The following SMYD3 variants were observed in gnomAD, a reference collection of about 807,000 sequenced individuals.
SMYD3 encodes SET and MYND domain containing 3.
Under a neutral mutation model 57.7 loss-of-function variants are expected in SMYD3, and 36 were observed. The observed-to-expected ratio is 0.62, with a 90% CI of 0.48 to 0.82. The LOEUF (loss-of-function observed/expected upper bound fraction) is 0.82, where lower values mean the gene tolerates loss of function less well. Ranked by LOEUF, SMYD3 falls within the 40% of genes least tolerant of loss-of-function variation. The pLI is 0.00. For synonymous variants in SMYD3, 211 were observed against 195.0 expected, an observed-to-expected ratio of 1.08 and a Z score of -0.68; for missense variants, 515 against 538.8, an observed-to-expected ratio of 0.96 and a Z score of 0.44.
intron 10 of SMYD3, among the ~76,000 whole-genome samples, chr1:245,806,822 A>G (rs1340575258): frequency 1.4e-5 from 2 of 144,852 alleles, no homozygotes; most frequent in Admixed American, 7.0e-5. Flanking sequence ...AGGCAGGAGA[A>G]TGGCGTGAAC....
intron 1 of SMYD3, among the ~76,000 whole-genome samples, chr1:246,499,808 AATAAAT>A (rs1461766873): frequency 6.6e-6 from 1 of 152,092 alleles, no homozygotes; most frequent in East Asian, 1.9e-4. Flanking sequence ...ATTTTTATGC[AATAAAT>A]ATAAATAGAT....
intron 5 of SMYD3, among the ~76,000 whole-genome samples, chr1:246,082,661 C>T (rs573912215): frequency 3.0e-4 from 45 of 152,220 alleles, no homozygotes; most frequent in African/African-American, 1.0e-3. Flanking sequence ...ACTGCAATAT[C>T]GTGGGCTTGG....
chr1:246,251,461 G>A (rs1490158600), intron 5 of SMYD3, among the ~76,000 whole-genome samples: 1 of 147,584 alleles, frequency 6.8e-6, no homozygotes. Flanking sequence ...CACTGTGCCC[G>A]GCTTTAGTAG....
At chr1:246,473,744 G>GT (rs1378868964) in intron 1 of SMYD3, among the ~76,000 whole-genome samples, 1 of 152,200 alleles carries the variant, frequency 6.6e-6, no homozygotes, top group African/African-American at 2.4e-5. Flanking sequence ...TCCCTTCAGA[G>GT]TTTGTTTTTT....
intron 5 of SMYD3, among the ~76,000 whole-genome samples, chr1:246,048,249 T>C (rs1194078357): frequency 6.6e-6 from 1 of 152,218 alleles, no homozygotes; most frequent in Non-Finnish European, 1.5e-5. Context: ...ATTTCAAGCA[T>C]TTCACTGGTA....
At chr1:246,093,777 A>G (rs1374090696) in intron 5 of SMYD3, among the ~76,000 whole-genome samples, 2 of 152,168 alleles carry the variant, frequency 1.3e-5, no homozygotes, top group Non-Finnish European at 2.9e-5. Flanking sequence ...TTTAATTCCA[A>G]TAGAAATTCT....
intron 1 of SMYD3, among the ~76,000 whole-genome samples, chr1:246,419,899 C>G (rs57812296): frequency 0.065 from 9,855 of 152,292 alleles, 627 homozygotes; most frequent in East Asian, 0.32. Context: ...CTGTTTTCAG[C>G]TAAAAAGTCT....
intron 8 of SMYD3, among the ~76,000 whole-genome samples, chr1:245,881,360 G>A (rs2052768678): frequency 6.6e-6 from 1 of 152,202 alleles, no homozygotes; most frequent in Non-Finnish European, 1.5e-5. Flanking sequence ...GTATGGGGAA[G>A]TAAGGTAGGC....
intron 5 of SMYD3, among the ~76,000 whole-genome samples, chr1:246,265,870 T>A (rs1330914999): frequency 6.6e-6 from 1 of 152,218 alleles, no homozygotes; most frequent in African/African-American, 2.4e-5. Flanking sequence ...ATATTGACAA[T>A]CTTCCAGTTA....
chr1:245,968,962 G>T (rs1194119182), intron 5 of SMYD3, among the ~76,000 whole-genome samples: 4 of 152,090 alleles, frequency 2.6e-5, no homozygotes, highest in Non-Finnish European at 4.4e-5. Context: ...GCATCATAGG[G>T]CTATGAGACC....
intron 5 of SMYD3, among the ~76,000 whole-genome samples, chr1:246,320,747 A>C (rs1188018071): frequency 6.6e-6 from 1 of 152,198 alleles, no homozygotes; most frequent in Non-Finnish European, 1.5e-5. Flanking sequence ...GAAATCTTTT[A>C]TGTGCATAAA....
At chr1:246,112,657 T>A (rs914233453) in intron 5 of SMYD3, among the ~76,000 whole-genome samples, 1 of 152,082 alleles carries the variant, frequency 6.6e-6, no homozygotes, top group East Asian at 1.9e-4. Context: ...AAACCCAAGC[T>A]TAGAATAGTA....
chr1:246,137,778 A>C (rs878939081), intron 5 of SMYD3, among the ~76,000 whole-genome samples: 2 of 152,196 alleles, frequency 1.3e-5, no homozygotes, highest in Admixed American at 1.3e-4. Flanking sequence ...GTAGCGGGTT[A>C]TAGGATAAGC....
At chr1:246,121,482 G>A (rs1032189111) in intron 5 of SMYD3, among the ~76,000 whole-genome samples, 3 of 135,926 alleles carry the variant, frequency 2.2e-5, no homozygotes, top group Admixed American at 7.5e-5. Flanking sequence ...CATTATAACT[G>A]TAATCTTTTA....
At chr1:246,176,103 C>T (rs1415457843) in intron 5 of SMYD3, among the ~76,000 whole-genome samples, 4 of 152,126 alleles carry the variant, frequency 2.6e-5, no homozygotes, top group East Asian at 1.9e-4. Flanking sequence ...TTTTTTATTT[C>T]GTTCCAGTAC....
chr1:246,035,046 C>T (rs1013610783), intron 5 of SMYD3, among the ~76,000 whole-genome samples: 7 of 152,160 alleles, frequency 4.6e-5, no homozygotes, highest in Non-Finnish European at 8.8e-5. Flanking sequence ...GCACAGCAAA[C>T]GTCTCCCCAG....
chr1:246,284,547 G>C (rs1008361101), intron 5 of SMYD3, among the ~76,000 whole-genome samples: 6 of 151,640 alleles, frequency 4.0e-5, no homozygotes, highest in Admixed American at 1.3e-4. Context: ...CTCCTGAGTA[G>C]CTGGGACTAC....
At chr1:246,362,602 A>T (rs371018514) in intron 1 of SMYD3, among the ~76,000 whole-genome samples, 1,676 of 152,294 alleles carry the variant, frequency 0.011, 11 homozygotes, top group Non-Finnish European at 0.018. Context: ...CTGCGATTGC[A>T]GGCGCGCACC....
chr1:246,100,046 C>T (rs191487764), intron 5 of SMYD3, among the ~76,000 whole-genome samples: 12 of 152,222 alleles, frequency 7.9e-5, no homozygotes, highest in Admixed American at 7.8e-4. Context: ...TTTACTGGCA[C>T]TAATACATAG....
Sources: allele counts gnomAD v4.1 joint callset (sites outside exome capture counted in the v4.1 genomes callset), GRCh38; gene constraint gnomAD v4.1.1; transcripts MANE v1.5; gene names NCBI Gene and HGNC (gene_info 2026-07-23, HGNC 2026-07-21).